PTPRD: variants seen among roughly 807,000 people sequenced by gnomAD.
PTPRD encodes the protein protein tyrosine phosphatase receptor type D.
Under a neutral mutation model 214.5 loss-of-function variants are expected in PTPRD, and 34 were observed. That is an observed-to-expected ratio of 0.16 (90% CI 0.12 to 0.21). PTPRD has a LOEUF of 0.21. Ranked by LOEUF, PTPRD falls within the 10% of genes least tolerant of loss-of-function variation. The pLI is 1.00. For synonymous variants in PTPRD, 1,128 were observed against 845.7 expected, an observed-to-expected ratio of 1.33 and a Z score of -5.79; for missense variants, 2,545 against 2,398.7, an observed-to-expected ratio of 1.06 and a Z score of -1.27.
intron 12 of PTPRD, among the ~76,000 whole-genome samples, chr9:8,638,005 T>C (rs945593926): frequency 6.6e-6 from 1 of 152,122 alleles, no homozygotes; most frequent in Non-Finnish European, 1.5e-5. Context: ...TTTTAATTAT[T>C]TCTCCGACTG....
In PTPRD at chr9:9,941,759, C is replaced by A. The variant is rs145714377; in HGVS notation, c.-471-3149G>T. On this transcript the variant is annotated intron_variant, in intron 4 of 45. Transcript: ENST00000381196. ...AGTAGAACAACTCTGAAGAAGAGGT[C>A]CCAAAGGAAACTCCAGTCACTTTTG... 2.7e-3 allele frequency among the ~76,000 whole-genome samples: 405 copies of A among 152,226 alleles called. 2 individuals carry two copies. Among genetic ancestry groups the A allele is most frequent in the African/African-American group, 8.8e-3 (364 of 41,554 alleles).
At chr9:10,045,427 C>A (rs2154146622) in intron 3 of PTPRD, among the ~76,000 whole-genome samples, 1 of 151,670 alleles carries the variant, frequency 6.6e-6, no homozygotes, top group South Asian at 2.1e-4. Flanking sequence ...TGTACTTAAT[C>A]TGAATGAAAA....
chr9:8,767,919 C>T (rs560128356), intron 11 of PTPRD, among the ~76,000 whole-genome samples: 2 of 152,122 alleles, frequency 1.3e-5, no homozygotes, highest in African/African-American at 4.8e-5. Context: ...ACATATATAA[C>T]TAAACATGGT....
chr9:8,775,251 G>A (rs940707816), intron 11 of PTPRD, among the ~76,000 whole-genome samples: 1 of 152,072 alleles, frequency 6.6e-6, no homozygotes, highest in Non-Finnish European at 1.5e-5. Flanking sequence ...TTCTGATATG[G>A]TCTGTTTAAG....
chr9:9,358,855 C>T (rs183581864), intron 9 of PTPRD, among the ~76,000 whole-genome samples: 5 of 151,366 alleles, frequency 3.3e-5, no homozygotes, highest in Admixed American at 6.6e-5. Context: ...AAACTCAAGG[C>T]GAGACGAACC....
chr9:10,073,415 C>G (rs550632953), intron 3 of PTPRD, among the ~76,000 whole-genome samples: 1 of 152,070 alleles, frequency 6.6e-6, no homozygotes, highest in Admixed American at 6.6e-5. Context: ...TTGTCTGTCA[C>G]TGTCACAGCC....
intron 14 of PTPRD, among the ~76,000 whole-genome samples, chr9:8,593,313 T>C (rs188872144): frequency 1.4e-3 from 215 of 152,306 alleles, no homozygotes; most frequent in Admixed American, 3.6e-3. Flanking sequence ...AAATTCATAA[T>C]ATATCTATGG....
intron 44 of PTPRD, among the ~76,000 whole-genome samples, chr9:8,330,059 G>A (rs1349707274): frequency 6.6e-6 from 1 of 152,168 alleles, no homozygotes; most frequent in Admixed American, 6.5e-5. Flanking sequence ...CGGGAGAAGT[G>A]CAGTATCTGG....
intron 9 of PTPRD, among the ~76,000 whole-genome samples, chr9:9,322,707 G>A (rs1260455277): frequency 1.3e-5 from 2 of 152,094 alleles, no homozygotes; most frequent in Non-Finnish European, 1.5e-5. Context: ...TGGTATGAGG[G>A]AATTTAGCAC....
rs1029661344 is a variant in PTPRD, at chr9:8,317,302, T to G, written c.*572A>C. On this transcript the variant is annotated 3_prime_UTR_variant, in exon 46 of 46. Coordinates refer to ENST00000381196, the MANE Select transcript of PTPRD (RefSeq NM_002839.4). ...AAAATTCACTTTATCGAATGATACA[T>G]TTTGTTAAAAAAAAGTTTACACAGT... 8.6e-6 allele frequency: 2 copies of G among 232,252 alleles called. No individual in the cohort carries two copies. The highest frequency in any genetic ancestry group is 4.4e-5 in the African/African-American group (2 of 45,252). The allele number at this position is 232,252 out of a possible 1,614,324, so 14.4% of individuals were successfully genotyped here.
At chr9:9,554,159 C>A (rs1156575771) in intron 8 of PTPRD, among the ~76,000 whole-genome samples, 1 of 151,980 alleles carries the variant, frequency 6.6e-6, no homozygotes, top group Admixed American at 6.6e-5. Flanking sequence ...GCAAACTCAA[C>A]CACTGGTTCA....
At chr9:8,940,261 ATCTCTCTC>A (rs112253790) in intron 11 of PTPRD, among the ~76,000 whole-genome samples, 13 of 38,768 alleles carry the variant, frequency 3.4e-4, no homozygotes, top group East Asian at 2.6e-3. Context: ...CATTTCACAC[ATCTCTCTC>A]TCTCTCTCTC....
At chr9:10,053,369 G>A (rs1486263214) in intron 3 of PTPRD, among the ~76,000 whole-genome samples, 1 of 152,080 alleles carries the variant, frequency 6.6e-6, no homozygotes, top group East Asian at 1.9e-4. Flanking sequence ...CTGAGTTTTT[G>A]CCCCTCATGG....
At chr9:9,357,890 C>G (rs770467986) in intron 9 of PTPRD, among the ~76,000 whole-genome samples, 13 of 151,194 alleles carry the variant, frequency 8.6e-5, no homozygotes, top group South Asian at 2.1e-4. Flanking sequence ...TTACCTACCA[C>G]AACCATTTCT....
intron 8 of PTPRD, among the ~76,000 whole-genome samples, chr9:9,559,983 C>T (rs2082486991): frequency 1.3e-5 from 2 of 152,302 alleles, no homozygotes; most frequent in East Asian, 3.9e-4. Context: ...CAGTGGATTG[C>T]CAAGTCCACA....
intron 9 of PTPRD, among the ~76,000 whole-genome samples, chr9:9,349,652 C>T (rs1278273187): frequency 4.7e-5 from 7 of 148,254 alleles, no homozygotes; most frequent in Non-Finnish European, 1.0e-4. Flanking sequence ...TTCAATTTTA[C>T]TTTCCTTAAT....
intron 10 of PTPRD, among the ~76,000 whole-genome samples, chr9:9,133,974 T>C (rs745405604): frequency 1.3e-5 from 2 of 151,930 alleles, no homozygotes; most frequent in Non-Finnish European, 2.9e-5. Flanking sequence ...ATTTGTGAAA[T>C]TCCACACCTT....
At chr9:8,556,602 T>A (rs73430469) in intron 14 of PTPRD, among the ~76,000 whole-genome samples, 132 of 150,710 alleles carry the variant, frequency 8.8e-4, no homozygotes, top group African/African-American at 3.2e-3. Flanking sequence ...ATTTAATTAA[T>A]ATAACCACAC....
chr9:10,034,493 C>G (rs1329277831), intron 3 of PTPRD, among the ~76,000 whole-genome samples: 1 of 142,134 alleles, frequency 7.0e-6, no homozygotes, highest in African/African-American at 2.6e-5. Context: ...GTGTCATAGG[C>G]GTTTGTTGTG....
Sources: allele counts gnomAD v4.1 joint callset (sites outside exome capture counted in the v4.1 genomes callset), GRCh38; gene constraint gnomAD v4.1.1; transcripts MANE v1.5; gene names NCBI Gene and HGNC (gene_info 2026-07-23, HGNC 2026-07-21).